Variants in CNOT4 observed in about 807,000 individuals in gnomAD.
CNOT4 encodes the protein CCR4-associated factor 4.
In CNOT4, 8 loss-of-function variants were observed where a neutral mutation model predicts 73.8. The ratio of observed to expected loss-of-function variants is 0.11; its 90% CI spans 0.06 to 0.20. The LOEUF is 0.20. CNOT4 is among the 10% of genes least tolerant of loss of function. CNOT4 has a pLI of 1.00. For synonymous variants in CNOT4, 293 were observed against 321.1 expected, an observed-to-expected ratio of 0.91 and a Z score of 0.94; for missense variants, 564 against 883.4, an observed-to-expected ratio of 0.64 and a Z score of 4.58.
At chr7:135,431,581 A>G (rs976970091) in intron 2 of CNOT4, among the ~76,000 whole-genome samples, 5 of 152,058 alleles carry the variant, frequency 3.3e-5, no homozygotes, top group African/African-American at 7.2e-5. Flanking sequence ...GTCTCTACTA[A>G]AAATACAAAA....
chr7:135,504,286 G>A (rs1045159350), intron 1 of CNOT4, among the ~76,000 whole-genome samples: 4 of 150,828 alleles, frequency 2.7e-5, no homozygotes, highest in African/African-American at 4.9e-5. Flanking sequence ...AGTAATATAA[G>A]ATCTACTAAT....
chr7:135,390,642 T>C (rs1796352793), intron 10 of CNOT4, among the ~76,000 whole-genome samples: 1 of 152,140 alleles, frequency 6.6e-6, no homozygotes, highest in Non-Finnish European at 1.5e-5. Context: ...GGAAGCTGCA[T>C]TTCTGTCAAA....
intron 1 of CNOT4, among the ~76,000 whole-genome samples, chr7:135,490,616 G>A (rs1803045613): frequency 6.6e-6 from 1 of 152,164 alleles, no homozygotes; most frequent in Non-Finnish European, 1.5e-5. Flanking sequence ...GGGAGGCTAT[G>A]AACCATCTCT....
chr7:135,412,764 A>T (rs1006528416), intron 6 of CNOT4, among the ~76,000 whole-genome samples: 4 of 151,966 alleles, frequency 2.6e-5, no homozygotes, highest in East Asian at 1.9e-4. Context: ...ATTCCTGAAA[A>T]GTCCACAGCA....
Position 135,398,222 on chromosome 7 carries a change from TG to T in CNOT4, c.825del (p.Ile276LeufsTer10). On this transcript the variant is annotated frameshift_variant, in exon 8 of 12. Transcript: ENST00000541284. LOFTEE classifies it high-confidence loss of function. Reference protein sequence around the residue: ...KVTPLQRYDTPIDKPSDSLSI... With the variant: ...KVTPLQRYDTXIDKPSDSLSI... ...CTGAGAGAATCTGAAGGTTTGTCAA[TG>T]GGGCTATAAAAAGAAAACAAATTGA... 1 of 1,516,088 alleles carries T rather than the reference TG, an allele frequency of 6.6e-7. No individual in the cohort carries two copies. The highest frequency in any genetic ancestry group is 9.2e-7 in the Non-Finnish European group (1 of 1,092,282). 93.9% of individuals were successfully genotyped at this position (1,516,088 alleles called of 1,614,324 possible).
chr7:135,410,985 C>T (rs1007359924), intron 6 of CNOT4, among the ~76,000 whole-genome samples: 1 of 151,756 alleles, frequency 6.6e-6, no homozygotes, highest in Non-Finnish European at 1.5e-5. Flanking sequence ...GTGTAAGGTC[C>T]ACTTTAAACC....
intron 10 of CNOT4, among the ~76,000 whole-genome samples, chr7:135,371,474 T>C (rs1795200962): frequency 6.6e-6 from 1 of 152,172 alleles, no homozygotes. Flanking sequence ...AAGCAGCTGA[T>C]GTGGAAGAGG....
In CNOT4 at chr7:135,438,337, C is replaced by A. The variant is rs568988901; in HGVS notation, c.-6G>T. ...GCATCAGGACTGCGAGACATCTTCA[C>A]GTTTATTAAACAGCAGCAAAAGTTT... On this transcript the variant is annotated 5_prime_UTR_variant, in exon 2 of 12. Transcript: ENST00000541284. The A allele has an allele frequency of 6.3e-6, 10 of 1,583,142 alleles. No individual in the cohort carries two copies. The South Asian group carries it at 1.2e-4, about 18-fold the overall frequency.
intron 1 of CNOT4, among the ~76,000 whole-genome samples, chr7:135,487,921 G>A (rs1802840675): frequency 6.6e-6 from 1 of 152,004 alleles, no homozygotes; most frequent in African/African-American, 2.4e-5. Context: ...GCCGGGCATG[G>A]TGGCGGGCAC....
At chr7:135,414,286 C>T (rs1234572398) in intron 5 of CNOT4, 45 bp downstream of exon 5, 5 of 740,174 alleles carry the variant, frequency 6.8e-6, no homozygotes, top group African/African-American at 1.8e-5. Context: ...TATTTTATCT[C>T]GTCTTCCTTA....
rs1794818087 is a variant in CNOT4, at chr7:135,364,643, A to C, written c.1628-577T>G. Among the ~76,000 whole-genome samples, 1 of 152,252 alleles carries C rather than the reference A, an allele frequency of 6.6e-6. No individual in the cohort carries two copies. The highest frequency in any genetic ancestry group is 2.4e-5 in the African/African-American group (1 of 41,466). ...TTGAATTTGAAAAGAATGTATTTCC[A>C]TTTAGTCACTAAGGCCGAGGAGGCA... On this transcript the variant is annotated intron_variant, in intron 10 of 11. Transcript: ENST00000541284. The surrounding 1 kb of genome is among the most constrained non-coding windows in gnomAD (Gnocchi z 4.3).
chr7:135,401,417 A>C (rs1796994474), intron 7 of CNOT4, among the ~76,000 whole-genome samples: 1 of 152,212 alleles, frequency 6.6e-6, no homozygotes, highest in African/African-American at 2.4e-5. Context: ...AGATATAAGA[A>C]TTTGGATGCA....
intron 2 of CNOT4, among the ~76,000 whole-genome samples, chr7:135,424,874 G>T (rs948167217): frequency 6.6e-6 from 1 of 152,028 alleles, no homozygotes; most frequent in Non-Finnish European, 1.5e-5. Context: ...CTAAAACACC[G>T]ATGCTCCACT....
At chr7:135,495,261 T>C (rs1803392559) in intron 1 of CNOT4, among the ~76,000 whole-genome samples, 1 of 152,140 alleles carries the variant, frequency 6.6e-6, no homozygotes, top group South Asian at 2.1e-4. Context: ...TCCCAGCACT[T>C]TGGGAGGCCA....
intron 10 of CNOT4, among the ~76,000 whole-genome samples, chr7:135,367,700 A>G (rs927511676): frequency 6.6e-6 from 1 of 152,218 alleles, no homozygotes; most frequent in South Asian, 2.1e-4. Context: ...AATAACACTC[A>G]TCATTCTCAG....
chr7:135,412,054 C>T (rs1328614496), intron 6 of CNOT4, among the ~76,000 whole-genome samples: 1 of 151,762 alleles, frequency 6.6e-6, no homozygotes, highest in African/African-American at 2.4e-5. Flanking sequence ...TTCAGGACAA[C>T]ATTATGAAAT....
At chr7:135,481,423 C>T (rs1802372645) in intron 1 of CNOT4, among the ~76,000 whole-genome samples, 1 of 152,104 alleles carries the variant, frequency 6.6e-6, no homozygotes, top group Non-Finnish European at 1.5e-5. Context: ...TTTCTTAAAA[C>T]ACACGGACAC....
At chr7:135,439,096 T>C (rs1335579628) in intron 1 of CNOT4, among the ~76,000 whole-genome samples, 4 of 152,246 alleles carry the variant, frequency 2.6e-5, no homozygotes. Context: ...ACAAACACTT[T>C]TTGAAAAGTT....
chr7:135,405,170 G>GT (rs1037960377), intron 7 of CNOT4, among the ~76,000 whole-genome samples: 10 of 152,074 alleles, frequency 6.6e-5, no homozygotes, highest in East Asian at 1.9e-4. Flanking sequence ...TGAGACTTAA[G>GT]TTTTTTTACC....
Sources: allele counts gnomAD v4.1 joint callset (sites outside exome capture counted in the v4.1 genomes callset), GRCh38; gene constraint gnomAD v4.1.1; non-coding constraint Gnocchi (gnomAD v3.1); transcripts MANE v1.5; gene names NCBI Gene and HGNC (gene_info 2026-07-23, HGNC 2026-07-21).